ZFP62: variants seen among roughly 807,000 people sequenced by gnomAD.
ZFP62 encodes the protein ZFP62 zinc finger protein, also known as zinc finger protein 62 homolog.
Under a neutral mutation model 56.4 loss-of-function variants are expected in ZFP62, and 44 were observed. The observed-to-expected ratio is 0.78, with a 90% CI of 0.61 to 1.00. The LOEUF (loss-of-function observed/expected upper bound fraction) is 1.00, where lower values mean the gene tolerates loss of function less well. ZFP62 is among the 50% of genes least tolerant of loss of function. ZFP62 has a pLI of 0.00. For synonymous variants in ZFP62, 421 were observed against 388.9 expected (o/e 1.08, Z -0.97); for missense variants, 1,030 against 1,085.7 (o/e 0.95, Z 0.72).
At chr5:180,828,103 T>G in the ZFP62 span, among the ~76,000 whole-genome samples, 1 of 152,080 alleles carries the variant, frequency 6.6e-6, no homozygotes, top group African/African-American at 2.4e-5. Flanking sequence ...CTCCATATGC[T>G]GAACGCTGGT....
intron 1 of ZFP62, among the ~76,000 whole-genome samples, 200 bp downstream of exon 1, chr5:180,861,019 T>A: frequency 6.6e-6 from 1 of 152,074 alleles, no homozygotes. Flanking sequence ...GGGCGCGCCC[T>A]GCACCCCTCT....
At position 180,849,170 on chromosome 5, in the gene ZFP62, A is replaced by C. The variant is rs1773539570; in HGVS notation, c.2325T>G (p.His775Gln). ...AFRNSSGLTVHKRIHTGEKPY... is the reference protein window; with the variant it reads ...AFRNSSGLTVQKRIHTGEKPY... ...GTTTCTCACCTGTGTGGATCCTTTTATGCACTGTGAGGCCTGAGCTGTTCC... is the reference window on the plus strand; with the variant it reads ...GTTTCTCACCTGTGTGGATCCTTTTCTGCACTGTGAGGCCTGAGCTGTTCC... The change falls in exon 2 of 2, where the codon CAT becomes CAG. Residue 775 changes from histidine to glutamine, a missense_variant. Physicochemically the swap from His to Gln is conservative, Grantham distance 24. Transcript: ENST00000502412. 6 of 1,563,304 alleles carry C rather than the reference A, an allele frequency of 3.8e-6. No individual in the cohort carries two copies. Among genetic ancestry groups the C allele is most frequent in the African/African-American group, 1.4e-5 (1 of 73,220 alleles).
Position 180,849,091 on chromosome 5 carries a change from T to C in ZFP62, c.2404A>G (p.Asn802Asp), listed in dbSNP as rs758780556. The change falls in exon 2 of 2, where the codon AAT becomes GAT. Residue 802 changes from asparagine (N) to aspartate (D), a missense_variant. Physicochemically the swap from Asn to Asp is conservative, Grantham distance 23 (BLOSUM62 1). Coordinates refer to ENST00000502412, the MANE Select transcript of ZFP62 (RefSeq NM_001172638.2). The part of the protein sequence containing the change: ...KAYISHSSLI[N>D]HKSVHQGKQP... ...TTCCCCTGGTGGACACTTTTATGAT[T>C]GATAAGACTTGAGTGTGAGATGTAT... 15 of 1,553,156 alleles carry C rather than the reference T, an allele frequency of 9.7e-6. No homozygotes were observed. Among genetic ancestry groups the C allele is most frequent in the Non-Finnish European group, 1.3e-5 (15 of 1,147,824 alleles).
downstream of ZFP62, among the ~76,000 whole-genome samples, chr5:180,847,145 T>C (rs1257855515): frequency 6.6e-6 from 1 of 152,252 alleles, no homozygotes; most frequent in African/African-American, 2.4e-5. Flanking sequence ...ATTGTTCTCT[T>C]GTAAAGACAA....
the ZFP62 span, chr5:180,834,977 G>A: frequency 6.6e-4 from 101 of 152,012 alleles, no homozygotes; most frequent in Non-Finnish European, 1.2e-3. Flanking sequence ...CACAAAGACT[G>A]CCATCTGCAA....
Position 180,851,123 on chromosome 5 carries a change from T to C in ZFP62, c.372A>G (p.Gly124=). 6.4e-7 allele frequency: 1 copy of C among 1,551,736 alleles called. No homozygotes were observed. Among genetic ancestry groups the C allele is most frequent in the African/African-American group, 1.4e-5 (1 of 73,172 alleles). The change falls in exon 2 of 2, where the codon GGA becomes GGG. Residue 124 remains glycine, a synonymous_variant. Coordinates refer to ENST00000502412, the MANE Select transcript of ZFP62 (RefSeq NM_001172638.2). ...EQGKRVENIN[G]TSYPSLQQKT... is the part of the protein sequence containing the mutation. ...TCTGCTGTAGACTAGGGTAGGAGGT[T>C]CCATTAATGTTCTCCACACGTTTGC...
rs1402588833 is a variant in ZFP62 at position 180,849,677 on chromosome 5, G to A, written c.1818C>T (p.Asn606=). The change falls in exon 2 of 2, where the codon AAC becomes AAT. Residue 606 remains asparagine (N), a synonymous_variant. Transcript: ENST00000502412. ...KAFITYRTLT[N]HKKVHLGEKP... is the part of the protein sequence containing the mutation. ...TCTCCCCAAGATGAACTTTTTTGTG[G>A]TTTGTAAGGGTTCGGTATGTGATGA... 1 of 1,550,576 alleles carries A rather than the reference G, an allele frequency of 6.4e-7. No homozygotes were observed. Among genetic ancestry groups the A allele is most frequent in the East Asian group, 2.4e-5 (1 of 40,824 alleles).
rs199749521 is a variant in ZFP62 at position 180,848,946 on chromosome 5, T to C, written c.2549A>G (p.Asn850Ser). The change falls in exon 2 of 2, where the codon AAT becomes AGT. Residue 850 changes from asparagine to serine, a missense_variant. Asn to Ser is a conservative substitution (Grantham distance 46, BLOSUM62 1). Coordinates refer to ENST00000502412, the MANE Select transcript of ZFP62 (RefSeq NM_001172638.2). ...ATGCTTGGTGAGATTTGATCTGATATTAAAAGCCTTACCACACTCATTACA... is the reference window on the plus strand; with the variant it reads ...ATGCTTGGTGAGATTTGATCTGATACTAAAAGCCTTACCACACTCATTACA... The part of the protein sequence containing the change: ...YRCNECGKAF[N>S]IRSNLTKHKR... 462 of 1,551,682 alleles carry C rather than the reference T, an allele frequency of 3.0e-4. No homozygotes were observed. Among genetic ancestry groups the C allele is most frequent in the Non-Finnish European group, 3.9e-4 (451 of 1,147,016 alleles).
In ZFP62 at chr5:180,849,465, A is replaced by G. The variant is rs1205308447; in HGVS notation, c.2030T>C (p.Val677Ala). The G allele has an allele frequency of 1.9e-6, 3 of 1,551,750 alleles. No homozygotes were observed. The highest frequency in any genetic ancestry group is 2.6e-6 in the Non-Finnish European group (3 of 1,147,092). The change falls in exon 2 of 2, where the codon GTG becomes GCG. Residue 677 changes from valine to alanine, a missense_variant. Val to Ala is a moderately conservative substitution (Grantham distance 64). Transcript: ENST00000502412. The part of the protein sequence containing the change: ...HTGERPYECD[V>A]CGKAYISHSS... ...GTGTGAGATGTAGGCTTTTCCACAC[A>G]CATCACATTCATAGGGCCTCTCCCC... is the stretch of plus-strand genomic sequence containing the variant.
At chr5:180,836,503 A>G in the ZFP62 span, among the ~76,000 whole-genome samples, 1 of 152,202 alleles carries the variant, frequency 6.6e-6, no homozygotes, top group African/African-American at 2.4e-5. Flanking sequence ...AAGTCTTTGC[A>G]TTCAGGGCCC....
At chr5:180,842,871 C>T (rs546365308), downstream of ZFP62, among the ~76,000 whole-genome samples, 8 of 151,830 alleles carry the variant, frequency 5.3e-5, no homozygotes, top group East Asian at 3.9e-4. Flanking sequence ...GTGAAACCCC[C>T]GTCTCTACTA....
Position 180,848,086 on chromosome 5 carries a change from TAA to T in ZFP62, c.*704_*705del, listed in dbSNP as rs1773480302. ...CATTATGGGAGTTCATCTGAAACTT[TAA>T]AAAAGTTTCATCCATTCAACTAATG... On this transcript the variant is annotated 3_prime_UTR_variant, in exon 2 of 2. Transcript: ENST00000502412. 2.0e-6 allele frequency: 2 copies of T among 982,992 alleles called. No homozygotes were observed. Among genetic ancestry groups the T allele is most frequent in the Non-Finnish European group, 2.4e-6 (2 of 829,906 alleles). 60.9% of individuals were successfully genotyped at this position (982,992 alleles called of 1,614,324 possible).
At chr5:180,840,789 TTGTGTGTG>T in the ZFP62 span, among the ~76,000 whole-genome samples, 63 of 146,556 alleles carry the variant, frequency 4.3e-4, no homozygotes, top group African/African-American at 1.4e-3. Flanking sequence ...CTAAAACAAT[TTGTGTGTG>T]TGTGTGTGTG....
downstream of ZFP62, among the ~76,000 whole-genome samples, chr5:180,845,097 T>C (rs1561898717): frequency 6.6e-6 from 1 of 152,048 alleles, no homozygotes; most frequent in Non-Finnish European, 1.5e-5. Flanking sequence ...CTTGGGAGTC[T>C]GAGGCTGGGC....
intron 1 of ZFP62, among the ~76,000 whole-genome samples, chr5:180,856,806 T>A (rs550304723): frequency 1.3e-5 from 2 of 148,772 alleles, no homozygotes; most frequent in East Asian, 3.9e-4. Context: ...TACAAAAAAA[T>A]GGCCGGGCAT....
At chr5:180,854,893 T>G (rs1773892456) in intron 1 of ZFP62, among the ~76,000 whole-genome samples, 1 of 152,238 alleles carries the variant, frequency 6.6e-6, no homozygotes, top group African/African-American at 2.4e-5. Context: ...TATATTACAT[T>G]CCTGACCTTG....
At chr5:180,846,175 T>C (rs1773407391), downstream of ZFP62, among the ~76,000 whole-genome samples, 1 of 152,140 alleles carries the variant, frequency 6.6e-6, no homozygotes, top group Non-Finnish European at 1.5e-5. Flanking sequence ...CCTGAATGGC[T>C]TGTATCTGGC....
intron 1 of ZFP62, among the ~76,000 whole-genome samples, chr5:180,858,257 C>CAAAAAAAA (rs1159409435): frequency 4.0e-4 from 16 of 40,220 alleles, no homozygotes; most frequent in African/African-American, 9.7e-4. Context: ...AACTCTGTCT[C>CAAAAAAAA]AAAAAAAAAA....
the ZFP62 span, chr5:180,835,410 CTTGT>C: frequency 6.6e-6 from 1 of 152,150 alleles, no homozygotes; most frequent in African/African-American, 2.4e-5. Context: ...CATGTGCCTC[CTTGT>C]TTCTCAGGCC....
Sources: gnomAD v4.1 joint callset for allele counts (sites outside exome capture counted in the v4.1 genomes callset) on GRCh38, gnomAD v4.1.1 for gene constraint, MANE v1.5 for transcripts, NCBI Gene and HGNC (gene_info 2026-07-23, HGNC 2026-07-21) for gene names.